DOCK2: variants seen among roughly 807,000 people sequenced by gnomAD.
DOCK2 encodes dedicator of cytokinesis protein 2.
In DOCK2, 87 loss-of-function variants were observed where a neutral mutation model predicts 248.9. That is an observed-to-expected ratio of 0.35 (90% CI 0.29 to 0.42). DOCK2 has a LOEUF of 0.42. Ranked by LOEUF, DOCK2 falls within the 10% of genes least tolerant of loss-of-function variation. The pLI is 1.00. For synonymous variants in DOCK2, 805 were observed against 821.6 expected (o/e 0.98, Z 0.35); for missense variants, 1,747 against 2,300.2 (o/e 0.76, Z 4.92).
chr5:170,058,593 G>C (rs1382826685), intron 44 of DOCK2, among the ~76,000 whole-genome samples: 1 of 152,148 alleles, frequency 6.6e-6, no homozygotes, highest in Non-Finnish European at 1.5e-5. Context: ...CAGCAGAGGA[G>C]ACAGCAAGTG....
chr5:169,991,846 C>T (rs945432155), intron 29 of DOCK2, among the ~76,000 whole-genome samples: 4 of 152,222 alleles, frequency 2.6e-5, no homozygotes, highest in Non-Finnish European at 5.9e-5. Context: ...AAATTATTTG[C>T]TCTTTCTAAG....
intron 22 of DOCK2, among the ~76,000 whole-genome samples, chr5:169,721,724 A>G (rs140016887): frequency 1.5e-3 from 228 of 152,314 alleles, no homozygotes; most frequent in Non-Finnish European, 2.8e-3. Context: ...GAACACTTGC[A>G]AGGGCTAAGG....
At chr5:170,034,313 G>T in intron 34 of DOCK2, 86 bp from the exon 35 acceptor site, 2 of 1,526,996 alleles carry the variant, frequency 1.3e-6, no homozygotes, top group South Asian at 2.5e-5. Flanking sequence ...GACTGATTTT[G>T]CATGTGCTCC....
At chr5:169,742,803 T>G (rs564831426) in intron 22 of DOCK2, among the ~76,000 whole-genome samples, 11 of 152,330 alleles carry the variant, frequency 7.2e-5, no homozygotes, top group African/African-American at 2.2e-4. Context: ...GCACAGTGTC[T>G]CCTTAATGAA....
At chr5:169,659,983 C>A (rs1201553815) in intron 2 of DOCK2, among the ~76,000 whole-genome samples, 1 of 152,162 alleles carries the variant, frequency 6.6e-6, no homozygotes, top group East Asian at 1.9e-4. Flanking sequence ...CCAGTTTGAA[C>A]AAGACCTGGG....
intron 27 of DOCK2, among the ~76,000 whole-genome samples, chr5:169,855,037 T>C (rs951870844): frequency 6.6e-6 from 1 of 152,202 alleles, no homozygotes; most frequent in African/African-American, 2.4e-5. Flanking sequence ...GCTCCCAAGC[T>C]TGGCAGACCC....
intron 27 of DOCK2, among the ~76,000 whole-genome samples, chr5:169,932,083 G>A (rs1775781302): frequency 6.6e-6 from 1 of 152,186 alleles, no homozygotes; most frequent in Admixed American, 6.5e-5. Flanking sequence ...AAACAAAGAA[G>A]ATACAACATC....
rs561706542 is a variant in DOCK2 at position 170,018,781 on chromosome 5, G to A, written c.3233-179G>A. ...TTTTGGATAATGCATGCGCTCTAAC[G>A]GGAGTTAATATATGTTAAGTGTTCA... On this transcript the variant is annotated intron_variant, in intron 32 of 51. Transcript: ENST00000520908. Among the ~76,000 whole-genome samples the A allele has an allele frequency of 3.9e-5, 6 of 152,266 alleles. No homozygotes were observed. In the East Asian group the frequency reaches 5.8e-4, roughly 15 times the overall value.
At chr5:169,821,303 A>G (rs976259800) in intron 26 of DOCK2, among the ~76,000 whole-genome samples, 2 of 151,742 alleles carry the variant, frequency 1.3e-5, no homozygotes, top group Non-Finnish European at 2.9e-5. Context: ...GAGCAACTCC[A>G]AGACACATAA....
intron 26 of DOCK2, among the ~76,000 whole-genome samples, chr5:169,810,954 TACAC>T (rs1026951095): frequency 6.8e-6 from 1 of 148,006 alleles, no homozygotes; most frequent in Non-Finnish European, 1.5e-5. Flanking sequence ...CATGTATGTT[TACAC>T]ACACACACAC....
rs148094337 is a variant in DOCK2 at position 170,015,216 on chromosome 5, AC to A, written c.3233-3743del. ...TTCCTGAGCTTTTGCAATGTGCCGG[AC>A]ACTGTGCAGGGCCCTTCGTTTGCAC... On this transcript the variant is annotated intron_variant, in intron 32 of 51. Coordinates refer to ENST00000520908, the MANE Select transcript of DOCK2 (RefSeq NM_004946.3). Among the ~76,000 whole-genome samples the A allele has an allele frequency of 3.0e-3, 458 of 152,306 alleles. 3 individuals are homozygous for A. The highest frequency in any genetic ancestry group is 9.7e-3 in the African/African-American group (404 of 41,572).
At chr5:169,967,562 G>A (rs1055886223) in intron 27 of DOCK2, among the ~76,000 whole-genome samples, 1 of 152,166 alleles carries the variant, frequency 6.6e-6, no homozygotes, top group Non-Finnish European at 1.5e-5. Flanking sequence ...GCAGGGAACC[G>A]AACACCATGC....
At chr5:169,696,756 C>A (rs966570776) in intron 10 of DOCK2, among the ~76,000 whole-genome samples, 1 of 152,048 alleles carries the variant, frequency 6.6e-6, no homozygotes, top group Non-Finnish European at 1.5e-5. Flanking sequence ...GACCTGCTTA[C>A]TCTCCAACTA....
rs116081417 is a variant in DOCK2 at position 169,673,374 on chromosome 5, A to C, written c.322-923A>C. On this transcript the variant is annotated intron_variant, in intron 5 of 51. Transcript: ENST00000520908. The stretch of plus-strand genomic sequence containing the variant: ...GCACTGCTTCAAGAACCAAGGACAA[A>C]AATCAAGTGTGTATATATATATATT... Among the ~76,000 whole-genome samples, 215 of 152,216 alleles carry C rather than the reference A, an allele frequency of 1.4e-3. 1 individual carries two copies. Among genetic ancestry groups the C allele is most frequent in the African/African-American group, 5.0e-3 (206 of 41,496 alleles).
At chr5:170,080,459 C>A (rs1757989821) in intron 50 of DOCK2, 176 bp downstream of exon 50, 1 of 952,666 alleles carries the variant, frequency 1.0e-6, no homozygotes, top group African/African-American at 1.6e-5. Flanking sequence ...CCACCACTTC[C>A]TGGGGGTGAC....
chr5:169,660,766 G>T (rs1400548061), intron 2 of DOCK2, among the ~76,000 whole-genome samples: 1 of 152,190 alleles, frequency 6.6e-6, no homozygotes, highest in Non-Finnish European at 1.5e-5. Context: ...ATAGTCTTTT[G>T]TTCAGGTCTG....
intron 1 of DOCK2, among the ~76,000 whole-genome samples, chr5:169,650,649 G>A (rs763474608): frequency 2.0e-5 from 3 of 152,176 alleles, no homozygotes; most frequent in Non-Finnish European, 2.9e-5. Context: ...ATAGCAGTCC[G>A]GTGGCTTGCC....
chr5:169,799,298 A>G (rs1019449100), intron 25 of DOCK2, among the ~76,000 whole-genome samples: 1 of 152,214 alleles, frequency 6.6e-6, no homozygotes, highest in Non-Finnish European at 1.5e-5. Context: ...TATCTAACTT[A>G]GTAAGATAAT....
intron 27 of DOCK2, among the ~76,000 whole-genome samples, chr5:169,942,187 C>G (rs1262497418): frequency 6.6e-6 from 1 of 152,120 alleles, no homozygotes; most frequent in Non-Finnish European, 1.5e-5. Flanking sequence ...TTATTTATGG[C>G]AGTGTGTGTA....
Sources: gnomAD v4.1 joint callset for allele counts (sites outside exome capture counted in the v4.1 genomes callset) on GRCh38, gnomAD v4.1.1 for gene constraint, MANE v1.5 for transcripts, NCBI Gene and HGNC (gene_info 2026-07-23, HGNC 2026-07-21) for gene names.